RPAP2: variants seen among roughly 807,000 people sequenced by gnomAD.
RPAP2 encodes RNA polymerase II associated protein 2.
A neutral mutation model predicts 73.1 loss-of-function variants in RPAP2; 52 were observed. The ratio of observed to expected loss-of-function variants is 0.71; its 90% confidence interval spans 0.57 to 0.90. RPAP2 has a LOEUF of 0.90. Ranked by LOEUF, RPAP2 falls within the 40% of genes least tolerant of loss-of-function variation. The probability of loss-of-function intolerance (pLI) is 0.00; values close to 1 mark genes in which losing one functional copy is unlikely to be tolerated. For missense variants in RPAP2, 598 were observed against 701.8 expected (o/e 0.85, Z 1.67); for synonymous variants, 225 against 242.1 (o/e 0.93, Z 0.65).
intron 4 of RPAP2, 75 bp downstream of exon 4, chr1:92,304,150 G>C: frequency 7.8e-7 from 1 of 1,285,216 alleles, no homozygotes; most frequent in Non-Finnish European, 1.1e-6. Flanking sequence ...GTAAGAATAA[G>C]AAATAAAACC....
Position 92,320,629 on chromosome 1 carries a change from A to G in RPAP2, c.519A>G (p.Glu173=), listed in dbSNP as rs139698189. 4 of 1,608,860 alleles carry G rather than the reference A, an allele frequency of 2.5e-6. No homozygotes were observed. The African/African-American group carries it at 5.3e-5, about 21-fold the overall frequency. ...RHPDFQLLKE[E]QSGHSGEEVQ... ...CTGATTTTCAACTGCTAAAGGAAGA[A>G]CAAAGGTATGGTTGAATCAGTATCA... is the stretch of plus-strand genomic sequence containing the variant. The change falls in exon 7 of 13, where the codon GAA becomes GAG. Residue 173 remains glutamate, a synonymous_variant. Transcript: ENST00000610020.
intron 11 of RPAP2, among the ~76,000 whole-genome samples, chr1:92,376,048 A>T (rs1655375954): frequency 6.6e-6 from 1 of 151,844 alleles, no homozygotes; most frequent in African/African-American, 2.4e-5. Context: ...AAAAAACTGC[A>T]TCTGCTTTGA....
chr1:92,324,001 G>A lies in RPAP2; in HGVS notation c.1081G>A (p.Val361Ile), dbSNP rs961173123. The change falls in exon 8 of 13, where the codon GTT becomes ATT. Residue 361 changes from valine (V) to isoleucine (I), a missense_variant. By Grantham distance (29) the Val-to-Ile change is conservative. Around this residue, in one of 3 missense-constraint regions of RPAP2, gnomAD observed 506 missense variants for 612.8 expected, o/e 0.83. Transcript: ENST00000610020. The part of the protein sequence containing the change: ...VSSSVQVCPE[V>I]GKRNLLKVLK... ...TAGTTCAGTGCAGGTGTGTCCTGAAGTTGGAAAGAGAAACTTACTTAAAGT... is the reference window on the plus strand; with the variant it reads ...TAGTTCAGTGCAGGTGTGTCCTGAAATTGGAAAGAGAAACTTACTTAAAGT... The A allele has an allele frequency of 3.1e-6, 5 of 1,613,962 alleles. No homozygotes were observed. Among genetic ancestry groups the A allele is most frequent in the Admixed American group, 1.7e-5 (1 of 59,986 alleles).
At chr1:92,323,239 A>G (rs189693554) in intron 7 of RPAP2, among the ~76,000 whole-genome samples, 3 of 151,762 alleles carry the variant, frequency 2.0e-5, no homozygotes, top group African/African-American at 7.2e-5. Context: ...ATCAAAAAAT[A>G]TATTATTAAC....
Position 92,400,819 on chromosome 1 carries a change from T to C in RPAP2, c.*13808T>C, listed in dbSNP as rs143491961. ...GGGCAGAGAAGGAAAATTTACCAAA[T>C]GGGAGAGTGTATTAGTCTATTCTTA... On this transcript the variant is annotated 3_prime_UTR_variant, in exon 13 of 13. Coordinates refer to ENST00000610020, the MANE Select transcript of RPAP2 (RefSeq NM_024813.3). 1.2e-4 allele frequency: 18 copies of C among 152,294 alleles called. 1 individual carries two copies. Among genetic ancestry groups the C allele is most frequent in the African/African-American group, 4.1e-4 (17 of 41,552 alleles). The allele number at this position is 152,294 out of a possible 1,614,324, so 9.4% of individuals were successfully genotyped here.
intron 7 of RPAP2, 98 bp from the exon 8 acceptor site, chr1:92,323,347 C>CA: frequency 1.4e-6 from 1 of 731,066 alleles, no homozygotes. Flanking sequence ...TTGAAAGTTA[C>CA]AATGTATAAA....
rs1656279681 is a variant in RPAP2, at chr1:92,400,149, A to T, written c.*13138A>T. The T allele has an allele frequency of 1.3e-5, 2 of 152,206 alleles. No individual in the cohort carries two copies. The highest frequency in any genetic ancestry group is 2.4e-5 in the African/African-American group (1 of 41,442). 9.4% of individuals were successfully genotyped at this position (152,206 alleles called of 1,614,324 possible). On this transcript the variant is annotated 3_prime_UTR_variant, in exon 13 of 13. Transcript: ENST00000610020. ...AGCTCTGGAGAGAGAGAGGGAGCTA[A>T]AACAGGACTCAATCAAAACCCACTT... is the stretch of plus-strand genomic sequence containing the variant.
Position 92,392,414 on chromosome 1 carries a change from C to G in RPAP2, c.*5403C>G, listed in dbSNP as rs181655685. 3 of 152,060 alleles carry G rather than the reference C, an allele frequency of 2.0e-5. No individual in the cohort carries two copies. Among genetic ancestry groups the G allele is most frequent in the African/African-American group, 4.8e-5 (2 of 41,400 alleles). 9.4% of individuals were successfully genotyped at this position (152,060 alleles called of 1,614,324 possible). ...TAATAAGAGGTTATTTATGACAAACCCACAGCCAATAGCATACTGAATGGG... is the reference window on the plus strand; with the variant it reads ...TAATAAGAGGTTATTTATGACAAACGCACAGCCAATAGCATACTGAATGGG... On this transcript the variant is annotated 3_prime_UTR_variant, in exon 13 of 13. Coordinates refer to ENST00000610020, the MANE Select transcript of RPAP2 (RefSeq NM_024813.3).
intron 11 of RPAP2, among the ~76,000 whole-genome samples, chr1:92,361,878 T>G (rs1431858160): frequency 6.6e-6 from 1 of 152,084 alleles, no homozygotes. Flanking sequence ...ATAGAAGAAT[T>G]GGTTATAGAG....
In RPAP2 at chr1:92,307,253, A is replaced by T. The variant is rs1651304560; in HGVS notation, c.465A>T (p.Pro155=). The T allele has an allele frequency of 6.2e-7, 1 of 1,611,374 alleles. No homozygotes were observed. The highest frequency in any genetic ancestry group is 8.5e-7 in the Non-Finnish European group (1 of 1,178,506). Residue 155 remains proline (P), a synonymous_variant, in exon 6 of 13, where the codon CCA becomes CCT. Transcript: ENST00000610020. ...KFFEAQIPKT[P]VWVREEERHP... ...TTGAAGCACAAATTCCCAAAACTCC[A>T]GTATGGGTTCGAGAAGAAGAGAGGT...
intron 5 of RPAP2, among the ~76,000 whole-genome samples, chr1:92,305,535 T>C (rs959474613): frequency 1.4e-5 from 2 of 146,146 alleles, no homozygotes; most frequent in African/African-American, 5.1e-5. Flanking sequence ...GAGAAACTGA[T>C]AAACATTTCT....
At chr1:92,342,101 T>C (rs1475351188) in intron 10 of RPAP2, among the ~76,000 whole-genome samples, 3 of 152,286 alleles carry the variant, frequency 2.0e-5, no homozygotes, top group South Asian at 2.1e-4. Flanking sequence ...TACATTCTAA[T>C]AGAGGGAGTA....
intron 10 of RPAP2, among the ~76,000 whole-genome samples, chr1:92,344,273 C>T (rs537377740): frequency 6.1e-4 from 93 of 152,162 alleles, no homozygotes; most frequent in African/African-American, 1.9e-3. Context: ...GGCGTGGTGG[C>T]ATATGCCTGT....
At chr1:92,319,807 T>C (rs1652138606) in intron 6 of RPAP2, among the ~76,000 whole-genome samples, 2 of 152,162 alleles carry the variant, frequency 1.3e-5, no homozygotes, top group Non-Finnish European at 2.9e-5. Flanking sequence ...AAGACCAGCC[T>C]GACCAACATG....
rs977680462 is a variant in RPAP2, at chr1:92,382,276, T to C, written c.1838+1403T>C. 2.0e-5 allele frequency among the ~76,000 whole-genome samples: 3 copies of C among 152,218 alleles called. No homozygotes were observed. In the East Asian group the frequency reaches 5.8e-4, roughly 29 times the overall value. On this transcript the variant is annotated intron_variant, in intron 12 of 12. Transcript: ENST00000610020. Reference sequence around the variant, plus strand: ...GCAGCATGATTCATAATCCTTTGGGTATATACCCAGTAATGGGATAGCTGG... The same window carrying C: ...GCAGCATGATTCATAATCCTTTGGGCATATACCCAGTAATGGGATAGCTGG...
At chr1:92,386,859 C>A in intron 12 of RPAP2, 152 bp from the exon 13 acceptor site, 1 of 483,306 alleles carries the variant, frequency 2.1e-6, no homozygotes, top group Non-Finnish European at 3.6e-6. Context: ...TGCCACCATG[C>A]CTGGCAAACT....
intron 6 of RPAP2, among the ~76,000 whole-genome samples, chr1:92,309,997 T>G (rs941108990): frequency 1.3e-5 from 2 of 152,230 alleles, no homozygotes; most frequent in African/African-American, 4.8e-5. Flanking sequence ...AAAAGGGTCC[T>G]TAGAGAGATT....
At position 92,363,637 on chromosome 1, in the gene RPAP2, C is replaced by T. The variant is rs139091799; in HGVS notation, c.1689-17087C>T. On this transcript the variant is annotated intron_variant, in intron 11 of 12. Transcript: ENST00000610020. ...TGAACTGTGCAAGTCCACTTCTATG[C>T]GGATATTTTTCCACCTCTGCCACAC... 7.5e-3 allele frequency: 1,887 copies of T among 253,072 alleles called. 14 individuals are homozygous for T. The highest frequency in any genetic ancestry group is 0.025 in the African/African-American group (1,120 of 44,160). 15.7% of individuals were successfully genotyped at this position (253,072 alleles called of 1,614,324 possible).
intron 11 of RPAP2, among the ~76,000 whole-genome samples, chr1:92,355,737 T>G (rs1253834855): frequency 6.6e-6 from 1 of 152,210 alleles, no homozygotes; most frequent in Non-Finnish European, 1.5e-5. Flanking sequence ...CGAAACTTTT[T>G]CAGCACCAAC....
Sources: gnomAD v4.1 joint callset for allele counts (sites outside exome capture counted in the v4.1 genomes callset) on GRCh38, gnomAD v4.1.1 for gene constraint, gnomAD v4.1.1 regional missense constraint, MANE v1.5 for transcripts, NCBI Gene and HGNC (gene_info 2026-07-23, HGNC 2026-07-21) for gene names.